Variants in NRG1 observed in about 807,000 individuals in gnomAD.
NRG1 encodes neuregulin 1.
NRG1 carries 18 observed loss-of-function variants against 63.8 expected under a neutral mutation model. That is an observed-to-expected ratio of 0.28 (90% CI 0.19 to 0.42). The LOEUF is 0.42. Ranked by LOEUF, NRG1 falls within the 10% of genes least tolerant of loss-of-function variation. The probability of loss-of-function intolerance (pLI) is 1.00; values close to 1 mark genes in which losing one functional copy is unlikely to be tolerated. For synonymous variants in NRG1, 302 were observed against 301.3 expected, an observed-to-expected ratio of 1.00 and a Z score of -0.02; for missense variants, 762 against 814.7, an observed-to-expected ratio of 0.94 and a Z score of 0.79.
intron 1 of NRG1, among the ~76,000 whole-genome samples, chr8:32,330,753 C>CCA (rs1802543723): frequency 1.3e-5 from 2 of 152,180 alleles, no homozygotes; most frequent in Admixed American, 1.3e-4. Context: ...TCAATGAGTT[C>CCA]CCCTTAAGGC....
chr8:32,160,318 T>C (rs1394290941), intron 1 of NRG1, among the ~76,000 whole-genome samples: 1 of 152,258 alleles, frequency 6.6e-6, no homozygotes, highest in Non-Finnish European at 1.5e-5. Flanking sequence ...TGATAATTGA[T>C]GAGCACTTAC....
At chr8:31,687,724 A>G (rs1809050289) in intron 1 of NRG1, among the ~76,000 whole-genome samples, 1 of 152,268 alleles carries the variant, frequency 6.6e-6, no homozygotes, top group African/African-American at 2.4e-5. Context: ...GACAGATGGA[A>G]GAGTCAAGGT....
At chr8:32,266,892 A>T (rs916806389) in intron 1 of NRG1, among the ~76,000 whole-genome samples, 1 of 151,282 alleles carries the variant, frequency 6.6e-6, no homozygotes, top group Non-Finnish European at 1.5e-5. Context: ...AAAAAAAAAA[A>T]AAAAAAATTA....
At chr8:32,581,781 C>T (rs1490721876) in intron 1 of NRG1, among the ~76,000 whole-genome samples, 1 of 152,154 alleles carries the variant, frequency 6.6e-6, no homozygotes, top group Non-Finnish European at 1.5e-5. Context: ...ACAGAGAGTT[C>T]TCCTATACCC....
At chr8:32,647,843 G>C in intron 5 of NRG1, 1 of 1,614,040 alleles carries the variant, frequency 6.2e-7, no homozygotes, top group African/African-American at 1.3e-5. Flanking sequence ...CAGAGCCCCA[G>C]ACTGAAGATG....
chr8:32,065,693 A>T (rs984209695), intron 1 of NRG1, among the ~76,000 whole-genome samples: 1 of 152,154 alleles, frequency 6.6e-6, no homozygotes, highest in Non-Finnish European at 1.5e-5. Flanking sequence ...TCCTTTGGGT[A>T]TATACCCAGT....
chr8:31,778,875 A>T (rs1227381300), intron 1 of NRG1, among the ~76,000 whole-genome samples: 1 of 152,220 alleles, frequency 6.6e-6, no homozygotes, highest in Admixed American at 6.5e-5. Flanking sequence ...AGGTCTGTGG[A>T]TGAGGAAATG....
intron 1 of NRG1, among the ~76,000 whole-genome samples, chr8:32,249,289 C>A (rs758576172): frequency 6.6e-6 from 1 of 152,088 alleles, no homozygotes. Context: ...ATTACATACT[C>A]TAACAATGAG....
At chr8:32,186,966 A>C (rs2132153456) in intron 1 of NRG1, among the ~76,000 whole-genome samples, 1 of 152,242 alleles carries the variant, frequency 6.6e-6, no homozygotes, top group South Asian at 2.1e-4. Context: ...CCCCCTACTG[A>C]GCATGTTGGG....
rs752393669 is a variant in NRG1, at chr8:32,344,911, G to A, written c.38-250917G>A. Among the ~76,000 whole-genome samples, 17 of 152,150 alleles carry A rather than the reference G, an allele frequency of 1.1e-4. No homozygotes were observed. In the East Asian group the frequency reaches 1.2e-3, roughly 10 times the overall value. On this transcript the variant is annotated intron_variant, in intron 1 of 10. Transcript: ENST00000519301. ...GTTAAGACCTACTGATCTAGAAGAC[G>A]GATCTCTCTGAGCCATAATTTCTGC...
intron 1 of NRG1, among the ~76,000 whole-genome samples, chr8:32,253,902 C>T (rs1232295451): frequency 3.9e-5 from 6 of 152,068 alleles, no homozygotes; most frequent in Non-Finnish European, 7.4e-5. Context: ...TTGACTTCTT[C>T]CTGGTTTAGT....
At chr8:32,492,254 G>T (rs76364527) in intron 1 of NRG1, among the ~76,000 whole-genome samples, 1,929 of 152,270 alleles carry the variant, frequency 0.013, 45 homozygotes, top group African/African-American at 0.044. Flanking sequence ...AGTTATATGG[G>T]AGTCAATTAT....
At chr8:31,887,500 T>C (rs1288870773) in intron 1 of NRG1, among the ~76,000 whole-genome samples, 3 of 152,020 alleles carry the variant, frequency 2.0e-5, no homozygotes, top group African/African-American at 7.2e-5. Context: ...GGTACTCGAG[T>C]TCCTAGCTTG....
intron 1 of NRG1, among the ~76,000 whole-genome samples, chr8:32,109,693 C>A (rs1051444349): frequency 1.3e-5 from 2 of 152,084 alleles, no homozygotes; most frequent in Non-Finnish European, 2.9e-5. Flanking sequence ...CTCATCAACA[C>A]CAAGAAGCTG....
At chr8:32,373,673 G>A (rs1262145194) in intron 1 of NRG1, among the ~76,000 whole-genome samples, 1 of 152,144 alleles carries the variant, frequency 6.6e-6, no homozygotes, top group East Asian at 1.9e-4. Flanking sequence ...AGCTACTGGG[G>A]AGGATGAAGC....
intron 1 of NRG1, among the ~76,000 whole-genome samples, chr8:31,834,897 T>G (rs1455665576): frequency 6.6e-6 from 1 of 152,186 alleles, no homozygotes; most frequent in African/African-American, 2.4e-5. Flanking sequence ...ATATCAAGGT[T>G]TATGCAACTG....
chr8:32,747,274 G>A (rs1484569870), intron 7 of NRG1, among the ~76,000 whole-genome samples: 2 of 151,994 alleles, frequency 1.3e-5, no homozygotes, highest in East Asian at 1.9e-4. Context: ...TGTAGACATC[G>A]CTTGATTTTA....
At chr8:32,336,847 T>A (rs1586895491) in intron 1 of NRG1, among the ~76,000 whole-genome samples, 1 of 151,904 alleles carries the variant, frequency 6.6e-6, no homozygotes, top group East Asian at 1.9e-4. Flanking sequence ...TGTGCTCAGG[T>A]GATCCACCCG....
At chr8:32,479,831 G>T (rs577358990) in intron 1 of NRG1, among the ~76,000 whole-genome samples, 1 of 151,940 alleles carries the variant, frequency 6.6e-6, no homozygotes, top group East Asian at 2.0e-4. Context: ...TTCTATTTTG[G>T]CAGGGATAGG....
Sources: gnomAD v4.1 joint callset for allele counts (sites outside exome capture counted in the v4.1 genomes callset) on GRCh38, gnomAD v4.1.1 for gene constraint, MANE v1.5 for transcripts, NCBI Gene and HGNC (gene_info 2026-07-23, HGNC 2026-07-21) for gene names.